Variants in LHPP observed in about 807,000 individuals in gnomAD.
LHPP encodes the protein hLHPP.
A neutral mutation model predicts 30.3 loss-of-function variants in LHPP; 24 were observed. That is an observed-to-expected ratio of 0.79 (90% CI 0.57 to 1.11). The LOEUF (loss-of-function observed/expected upper bound fraction) is 1.11, where lower values mean the gene tolerates loss of function less well. LHPP is among the 50% of genes most tolerant of loss of function. The pLI, the probability that LHPP is intolerant of heterozygous loss-of-function variation, is 0.00. For synonymous variants in LHPP, 150 were observed against 157.1 expected, an observed-to-expected ratio of 0.95 and a Z score of 0.34; for missense variants, 356 against 367.2, an observed-to-expected ratio of 0.97 and a Z score of 0.25.
rs186273676 is a variant in LHPP, at chr10:124,541,613, T to C, written c.716+24342T>C. Among the ~76,000 whole-genome samples, 210 of 152,032 alleles carry C rather than the reference T, an allele frequency of 1.4e-3. No homozygotes were observed. The highest frequency in any genetic ancestry group is 4.8e-3 in the African/African-American group (200 of 41,472). Reference sequence around the variant, plus strand: ...CCCCGCGTGAGCCTGGGACCACCCGTGGGGACAGTGTGTGTCTAGGCAAAT... The same window carrying C: ...CCCCGCGTGAGCCTGGGACCACCCGCGGGGACAGTGTGTGTCTAGGCAAAT... On this transcript the variant is annotated intron_variant, in intron 6 of 6. Coordinates refer to ENST00000368842, the MANE Select transcript of LHPP (RefSeq NM_022126.4). The surrounding 1 kb of genome is among the most constrained non-coding windows in gnomAD (Gnocchi z 4.2).
In LHPP at chr10:124,506,271, C is replaced by CCCCG. The variant is rs1554883779; in HGVS notation, c.624+8145_624+8146insCGCC. Among the ~76,000 whole-genome samples, 6 of 127,688 alleles carry CCCCG rather than the reference C, an allele frequency of 4.7e-5. No individual in the cohort carries two copies. The Admixed American group carries it at 4.8e-4, about 10-fold the overall frequency. The allele number at this position is 127,688 out of a possible 152,430, so 83.8% of individuals were successfully genotyped here. ...CTCAAAAAAAACAACAAACCCCCCC[C>CCCCG]CCACCCCGCGGTTTCTCAACCTCGA... On this transcript the variant is annotated intron_variant, in intron 5 of 6. Coordinates refer to ENST00000368842, the MANE Select transcript of LHPP (RefSeq NM_022126.4).
Position 124,517,136 on chromosome 10 carries a change from ACT to A in LHPP, c.625-40_625-39del. 1 of 1,373,450 alleles carries A rather than the reference ACT, an allele frequency of 7.3e-7. No homozygotes were observed. Among genetic ancestry groups the A allele is most frequent in the Non-Finnish European group, 9.9e-7 (1 of 1,008,538 alleles). The allele number at this position is 1,373,450 out of a possible 1,614,324, so 85.1% of individuals were successfully genotyped here. ...AAAGATGAAGGAGCCCGGGAATAAA[ACT>A]CTCCTGACATCACTTCTGAGCGTAT... On this transcript the variant is annotated intron_variant, in intron 5 of 6. Transcript: ENST00000368842. This position sits in a 1 kb window ranked among gnomAD's most constrained non-coding sequence, Gnocchi z 4.1.
In LHPP at chr10:124,488,549, A is replaced by T; in HGVS notation, c.441A>T (p.Lys147Asn). 1 of 1,612,684 alleles carries T rather than the reference A, an allele frequency of 6.2e-7. No homozygotes were observed. The highest frequency in any genetic ancestry group is 1.1e-5 in the South Asian group (1 of 90,880). Residue 147 changes from lysine to asparagine, a missense_variant, in exon 3 of 7, where the codon AAA (lysine) becomes AAT (asparagine). Coordinates refer to ENST00000368842, the MANE Select transcript of LHPP (RefSeq NM_022126.4). ...TCCAGGTGCTCATGGAGCTGGAAAA[A>T]CCTGTGCTCATATCACTGGGAAAAG... ...NAFQVLMELE[K>N]PVLISLGKGR...
chr10:124,554,142 G>C, intron 6 of LHPP: 1 of 811,268 alleles, frequency 1.2e-6, no homozygotes, highest in Non-Finnish European at 1.5e-6. Flanking sequence ...GCCAGGTAGA[G>C]GTTTTTCAAC....
At chr10:124,612,232 T>C (rs531450734) in intron 6 of LHPP, among the ~76,000 whole-genome samples, 65 of 151,564 alleles carry the variant, frequency 4.3e-4, no homozygotes, top group Non-Finnish European at 6.2e-4. Context: ...GGCGAAACCC[T>C]ATCTCTACAC....
chr10:124,470,510 C>T (rs1474127861), intron 1 of LHPP, among the ~76,000 whole-genome samples: 1 of 152,094 alleles, frequency 6.6e-6, no homozygotes, highest in Non-Finnish European at 1.5e-5. Context: ...CCTAGTAGGT[C>T]TGGAACAGCG....
At chr10:124,543,085 C>T (rs964898744) in intron 6 of LHPP, among the ~76,000 whole-genome samples, 2 of 152,198 alleles carry the variant, frequency 1.3e-5, no homozygotes, top group African/African-American at 4.8e-5. Context: ...CCAGCGGGTC[C>T]TCAGGCTGTA....
chr10:124,579,508 G>A (rs1162400858), intron 6 of LHPP, among the ~76,000 whole-genome samples: 1 of 152,226 alleles, frequency 6.6e-6, no homozygotes, highest in African/African-American at 2.4e-5. Flanking sequence ...GTCCCCTGAT[G>A]ATGGACATGT....
At chr10:124,589,582 G>A (rs1948850342) in intron 6 of LHPP, among the ~76,000 whole-genome samples, 1 of 152,178 alleles carries the variant, frequency 6.6e-6, no homozygotes, top group African/African-American at 2.4e-5. Flanking sequence ...ACGAGAGCAG[G>A]GGTCAGGCTC....
intron 2 of LHPP, among the ~76,000 whole-genome samples, chr10:124,485,306 G>T (rs1167914250): frequency 6.6e-6 from 1 of 152,050 alleles, no homozygotes; most frequent in Non-Finnish European, 1.5e-5. Flanking sequence ...TCCAGAAAAG[G>T]GTTGCTGGAC....
At chr10:124,548,991 C>T (rs1955417124) in intron 6 of LHPP, among the ~76,000 whole-genome samples, 1 of 152,222 alleles carries the variant, frequency 6.6e-6, no homozygotes, top group African/African-American at 2.4e-5. Flanking sequence ...TAAATACATG[C>T]ATGGCAAAAC....
At position 124,541,219 on chromosome 10, in the gene LHPP, C is replaced by G. The variant is rs1046908608; in HGVS notation, c.716+23948C>G. On this transcript the variant is annotated intron_variant, in intron 6 of 6. Coordinates refer to ENST00000368842, the MANE Select transcript of LHPP (RefSeq NM_022126.4). The surrounding 1 kb of genome is among the most constrained non-coding windows in gnomAD (Gnocchi z 4.2). ...AGGCAGCTTGGAGGTGGGCCGCTGCCCCTGCACACTGTGCTTGGGGGACAC... is the reference window on the plus strand; with the variant it reads ...AGGCAGCTTGGAGGTGGGCCGCTGCGCCTGCACACTGTGCTTGGGGGACAC... Among the ~76,000 whole-genome samples the G allele has an allele frequency of 2.0e-4, 30 of 152,258 alleles. No homozygotes were observed. The highest frequency in any genetic ancestry group is 7.0e-4 in the African/African-American group (29 of 41,558).
At position 124,501,583 on chromosome 10, in the gene LHPP, C is replaced by T. The variant is rs572194498; in HGVS notation, c.624+3455C>T. On this transcript the variant is annotated intron_variant, in intron 5 of 6. Transcript: ENST00000368842. ...TGCAACTGTGCTCCAGCCTGGGCGA[C>T]AGAGCCAGACTCTGTCTTAAAAAAA... is the stretch of plus-strand genomic sequence containing the variant. Among the ~76,000 whole-genome samples the T allele has an allele frequency of 1.6e-3, 221 of 135,340 alleles. 5 individuals are homozygous for T. Among genetic ancestry groups the T allele is most frequent in the African/African-American group, 6.4e-3 (213 of 33,334 alleles). The allele number at this position is 135,340 out of a possible 152,430, so 88.8% of individuals were successfully genotyped here. A position where few individuals can be genotyped will look rare whatever the true frequency, so the allele number is the denominator to read the frequency against.
chr10:124,589,240 G>C (rs1212603138), intron 6 of LHPP, among the ~76,000 whole-genome samples: 1 of 152,252 alleles, frequency 6.6e-6, no homozygotes, highest in Non-Finnish European at 1.5e-5. Context: ...CACCTCCTTG[G>C]CGGTGGCCGT....
intron 6 of LHPP, among the ~76,000 whole-genome samples, chr10:124,532,356 G>T (rs901602214): frequency 1.3e-5 from 2 of 152,236 alleles, no homozygotes; most frequent in Non-Finnish European, 2.9e-5. Context: ...GGAAAGATGC[G>T]CATGGTATGC....
intron 5 of LHPP, among the ~76,000 whole-genome samples, chr10:124,513,462 CTTTTTTTT>C (rs34225779): frequency 2.2e-5 from 2 of 92,218 alleles, no homozygotes; most frequent in Admixed American, 1.5e-4. Flanking sequence ...ATTATTATTA[CTTTTTTTT>C]TTTTTTTTTT....
At chr10:124,552,602 G>A (rs34203121) in intron 6 of LHPP, among the ~76,000 whole-genome samples, 60,113 of 152,016 alleles carry the variant, frequency 0.4, 13,586 homozygotes, top group Non-Finnish European at 0.52. Flanking sequence ...TAATCCTCCA[G>A]CCACTGCCCC....
At chr10:124,552,838 G>A (rs1242942696) in intron 6 of LHPP, among the ~76,000 whole-genome samples, 1 of 152,188 alleles carries the variant, frequency 6.6e-6, no homozygotes, top group African/African-American at 2.4e-5. Flanking sequence ...TATGCTATAC[G>A]TTTGGGGTTT....
chr10:124,587,024 CTTTTTTT>C (rs57728201), intron 6 of LHPP, among the ~76,000 whole-genome samples: 9 of 120,742 alleles, frequency 7.5e-5, no homozygotes, highest in Non-Finnish European at 1.2e-4. Context: ...GTGCTTGCTA[CTTTTTTT>C]TTTTTTTTTT....
Sources: allele counts gnomAD v4.1 joint callset (sites outside exome capture counted in the v4.1 genomes callset), GRCh38; gene constraint gnomAD v4.1.1; non-coding constraint Gnocchi (gnomAD v3.1); transcripts MANE v1.5; gene names NCBI Gene and HGNC (gene_info 2026-07-23, HGNC 2026-07-21).